ARL14EPL: variants seen among roughly 807,000 people sequenced by gnomAD.
ARL14EPL encodes ARL14 effector protein-like.
ARL14EPL carries 17 observed loss-of-function variants against 15.9 expected under a neutral mutation model. That is an observed-to-expected ratio of 1.07 (90% CI 0.73 to 1.60). The LOEUF is 1.60. Among genes scored for constraint, ARL14EPL ranks in the 40% most tolerant of loss-of-function variants. The probability of loss-of-function intolerance (pLI) is 0.00; values close to 1 mark genes in which losing one functional copy is unlikely to be tolerated. For synonymous variants in ARL14EPL, 78 were observed against 63.8 expected, an observed-to-expected ratio of 1.22 and a Z score of -1.06; for missense variants, 214 against 185.9, an observed-to-expected ratio of 1.15 and a Z score of -0.88.
At chr5:116,043,743 C>G (rs1246501097) in intron 1 of ARL14EPL, among the ~76,000 whole-genome samples, 1 of 152,088 alleles carries the variant, frequency 6.6e-6, no homozygotes, top group African/African-American at 2.4e-5. Flanking sequence ...TTAAAAAAAC[C>G]TCTCAGTTGG....
intron 1 of ARL14EPL, among the ~76,000 whole-genome samples, chr5:116,047,843 G>A (rs1468572436): frequency 6.6e-6 from 1 of 152,160 alleles, no homozygotes; most frequent in Non-Finnish European, 1.5e-5. Context: ...AGGGGTGCTG[G>A]TTTCTGTAAC....
chr5:116,042,768 T>A (rs1388956292), intron 1 of ARL14EPL, among the ~76,000 whole-genome samples: 1 of 152,216 alleles, frequency 6.6e-6, no homozygotes, highest in Non-Finnish European at 1.5e-5. Flanking sequence ...AATTATTTCA[T>A]AAACCAGACC....
At chr5:116,054,659 G>A (rs780225339) in intron 3 of ARL14EPL, among the ~76,000 whole-genome samples, 17 of 152,080 alleles carry the variant, frequency 1.1e-4, no homozygotes, top group Non-Finnish European at 1.8e-4. Context: ...GTGAAACCCC[G>A]TCTCTACTAA....
chr5:116,039,152 G>T (rs1022358856), intron 1 of ARL14EPL, among the ~76,000 whole-genome samples: 9 of 152,142 alleles, frequency 5.9e-5, no homozygotes, highest in African/African-American at 2.2e-4. Flanking sequence ...GTGTAAGCCT[G>T]GGGCAGAAGG....
intron 3 of ARL14EPL, among the ~76,000 whole-genome samples, chr5:116,057,721 T>G (rs1468541950): frequency 6.6e-6 from 1 of 152,186 alleles, no homozygotes; most frequent in Non-Finnish European, 1.5e-5. Context: ...ATCCTTTCCC[T>G]TCCCTGCATT....
intron 3 of ARL14EPL, among the ~76,000 whole-genome samples, chr5:116,056,560 T>C (rs1279845834): frequency 6.6e-6 from 1 of 152,198 alleles, no homozygotes; most frequent in East Asian, 1.9e-4. Context: ...CTTTGTCAGA[T>C]GAGTAGATTG....
chr5:116,055,270 A>G (rs1484206733), intron 3 of ARL14EPL, among the ~76,000 whole-genome samples: 5 of 152,226 alleles, frequency 3.3e-5, no homozygotes, highest in African/African-American at 1.2e-4. Context: ...AGTGTTACCT[A>G]TGTGCCTTAT....
chr5:116,052,167 G>A (rs1020483848), intron 2 of ARL14EPL: 20 of 1,609,704 alleles, frequency 1.2e-5, no homozygotes, highest in African/African-American at 4.0e-5. Context: ...AGCTTGTCCC[G>A]AACTTTGCCT....
intron 3 of ARL14EPL, among the ~76,000 whole-genome samples, 167 bp downstream of exon 3, chr5:116,054,320 G>A (rs1223301953): frequency 6.6e-6 from 1 of 152,032 alleles, no homozygotes; most frequent in Non-Finnish European, 1.5e-5. Flanking sequence ...TTAAGAAACA[G>A]AAAAATAGAC....
chr5:116,032,911 C>T (rs1051319682), intron 1 of ARL14EPL, among the ~76,000 whole-genome samples: 1 of 152,204 alleles, frequency 6.6e-6, no homozygotes, highest in African/African-American at 2.4e-5. Flanking sequence ...GATTCTCCCA[C>T]CTCAGCCTCC....
intron 1 of ARL14EPL, among the ~76,000 whole-genome samples, chr5:116,037,536 A>T (rs1370833552): frequency 6.6e-6 from 1 of 151,306 alleles, no homozygotes; most frequent in Admixed American, 6.5e-5. Flanking sequence ...ACTAAGATAC[A>T]TGCCCTTCAC....
chr5:116,053,966 G>A (rs1298353819), intron 2 of ARL14EPL, 48 bp from the exon 3 acceptor site: 1 of 1,462,690 alleles, frequency 6.8e-7, no homozygotes, highest in East Asian at 2.5e-5. Context: ...ATGTAAAACA[G>A]ATAAAACTAT....
chr5:116,051,761 C>A (rs1320790767), intron 2 of ARL14EPL, among the ~76,000 whole-genome samples, 200 bp downstream of exon 2: 1 of 152,226 alleles, frequency 6.6e-6, no homozygotes, highest in Non-Finnish European at 1.5e-5. Flanking sequence ...CTCCTCTCCA[C>A]CTCCTGTGTA....
chr5:116,051,136 T>C (rs1749367664), intron 1 of ARL14EPL: 1 of 205,478 alleles, frequency 4.9e-6, no homozygotes, highest in East Asian at 1.2e-4. Flanking sequence ...TTCAAGAGTG[T>C]GTGTAAAGAA....
At chr5:116,048,191 C>T (rs532015292) in intron 1 of ARL14EPL, among the ~76,000 whole-genome samples, 4 of 152,290 alleles carry the variant, frequency 2.6e-5, no homozygotes, top group African/African-American at 9.6e-5. Context: ...CTTTCATAGG[C>T]AATCTGACAC....
Position 116,058,807 on chromosome 5 carries a change from G to C in ARL14EPL, c.319G>C (p.Gly107Arg). The C allele has an allele frequency of 6.5e-7, 1 of 1,535,982 alleles. No homozygotes were observed. Among genetic ancestry groups the C allele is most frequent in the Non-Finnish European group, 8.7e-7 (1 of 1,146,898 alleles). ...TGATTGTCTAGAGAAGAACTGCCTG[G>C]GCTGCTTCTACCCATGCCCGAAGTG... is the stretch of plus-strand genomic sequence containing the variant. ...LCDCLEKNCL[G>R]CFYPCPKCNS... Residue 107 changes from glycine (G) to arginine (R), a missense_variant, in exon 4 of 4, where the codon GGC becomes CGC. By Grantham distance (125) the Gly-to-Arg change is moderately radical (BLOSUM62 -2). Coordinates refer to ENST00000686077, the MANE Select transcript of ARL14EPL (RefSeq NM_001195581.2).
chr5:116,058,611 G>GATT, intron 3 of ARL14EPL, 114 bp from the exon 4 acceptor site: 1 of 956,300 alleles, frequency 1.0e-6, no homozygotes, highest in Non-Finnish European at 1.6e-6. Context: ...GTAATCTCTG[G>GATT]AGTTCTGGGT....
In ARL14EPL at chr5:116,058,943, A is replaced by C; in HGVS notation, c.455A>C (p.Asp152Ala). Residue 152 changes from aspartate (D) to alanine (A), a missense_variant, in exon 4 of 4, where the codon GAC becomes GCC. Coordinates refer to ENST00000686077, the MANE Select transcript of ARL14EPL (RefSeq NM_001195581.2). ...AGCACGCTGCCGTTTAATGTTCCTG[A>C]CTAGGTGCTCTTGTATATGGACTGA... is the stretch of plus-strand genomic sequence containing the variant. The part of the protein sequence containing the change: ...VISTLPFNVP[D>A] 6.5e-7 allele frequency: 1 copy of C among 1,535,790 alleles called. No homozygotes were observed. The highest frequency in any genetic ancestry group is 8.7e-7 in the Non-Finnish European group (1 of 1,146,716).
chr5:116,050,816 T>TCTCTCTCTCTCTC (rs1561579525), intron 1 of ARL14EPL, among the ~76,000 whole-genome samples: 1 of 81,506 alleles, frequency 1.2e-5, no homozygotes, highest in Non-Finnish European at 2.6e-5. Context: ...CTCTCTCTCT[T>TCTCTCTCTCTCTC]ACACACACAC....
Sources: gnomAD v4.1 joint callset for allele counts (sites outside exome capture counted in the v4.1 genomes callset) on GRCh38, gnomAD v4.1.1 for gene constraint, MANE v1.5 for transcripts, NCBI Gene and HGNC (gene_info 2026-07-23, HGNC 2026-07-21) for gene names.